ANKRD12: variants seen among roughly 807,000 people sequenced by gnomAD.
ANKRD12 encodes the protein ankyrin repeat domain 12.
In ANKRD12, 85 loss-of-function variants were observed where a neutral mutation model predicts 183.4. That is an observed-to-expected ratio of 0.46 (90% confidence interval 0.39 to 0.56). The LOEUF (loss-of-function observed/expected upper bound fraction) is 0.56. Ranked by LOEUF, ANKRD12 falls within the 20% of genes least tolerant of loss-of-function variation. ANKRD12 has a pLI of 0.00. For synonymous variants in ANKRD12, 914 were observed against 800.2 expected (o/e 1.14, Z -2.40); for missense variants, 2,405 against 2,357.1 (o/e 1.02, Z -0.42).
intron 1 of ANKRD12, among the ~76,000 whole-genome samples, chr18:9,170,350 C>T (rs1417295704): frequency 6.6e-6 from 1 of 152,222 alleles, no homozygotes; most frequent in Non-Finnish European, 1.5e-5. Context: ...TCAGGTAAAC[C>T]AGTCAGATGT....
At chr18:9,277,979 A>G (rs1196407709) in intron 11 of ANKRD12, among the ~76,000 whole-genome samples, 1 of 152,170 alleles carries the variant, frequency 6.6e-6, no homozygotes, top group African/African-American at 2.4e-5. Flanking sequence ...GCTTGCTGAG[A>G]TCCTTTTGTG....
intron 7 of ANKRD12, among the ~76,000 whole-genome samples, chr18:9,217,299 C>G (rs2036164571): frequency 1.3e-5 from 2 of 152,174 alleles, no homozygotes; most frequent in African/African-American, 4.8e-5. Flanking sequence ...AAGTGCAGTT[C>G]TGGCCTGGCC....
rs918347103 is a variant in ANKRD12, at chr18:9,222,013, A to G, written c.943+14A>G. ...AAAGTTACACAGGTTTGTTTCAGAT[A>G]ATCTACATTCATCTGTTCGTTTGAC... On this transcript the variant is annotated intron_variant, in intron 8 of 12. Transcript: ENST00000262126. 8.7e-6 allele frequency: 14 copies of G among 1,612,892 alleles called. No homozygotes were observed. The Admixed American group carries it at 2.0e-4, about 23-fold the overall frequency.
At position 9,256,806 on chromosome 18, in the gene ANKRD12, T is replaced by C. The variant is rs758707284; in HGVS notation, c.3539T>C (p.Phe1180Ser). ...KNVMTLGKSS[F>S]VSDNSLNRSP... ...GTAATGACTTTAGGGAAGTCATCTT[T>C]TGTTTCAGATAATAGCTTAAACAGG... The change falls in exon 9 of 13, where the codon TTT becomes TCT. Residue 1180 changes from phenylalanine to serine, a missense_variant. Physicochemically the swap from Phe to Ser is radical, Grantham distance 155. Around this residue, in one of 7 missense-constraint regions of ANKRD12, gnomAD observed 1,983 missense variants for 1,725.9 expected, o/e 1.15. Coordinates refer to ENST00000262126, the MANE Select transcript of ANKRD12 (RefSeq NM_015208.5). The C allele has an allele frequency of 5.6e-6, 9 of 1,614,080 alleles. No homozygotes were observed. In the Admixed American group the frequency reaches 1.2e-4, roughly 21 times the overall value.
chr18:9,154,175 A>C (rs1002571701), intron 1 of ANKRD12, among the ~76,000 whole-genome samples: 11 of 152,176 alleles, frequency 7.2e-5, no homozygotes, highest in Admixed American at 1.3e-4. Flanking sequence ...ATCCCCCAGC[A>C]CTTTGGGAGG....
rs1349989609 is a variant in ANKRD12, at chr18:9,256,128, AAGAC to A, written c.2864_2867del (p.Asp955GlyfsTer3). 1.2e-5 allele frequency: 19 copies of A among 1,560,006 alleles called. No homozygotes were observed. The highest frequency in any genetic ancestry group is 1.4e-5 in the African/African-American group (1 of 71,730). On this transcript the variant is annotated frameshift_variant, in exon 9 of 13. Transcript: ENST00000262126. LOFTEE classifies it high-confidence loss of function. ...TCAGAAAAAGGCAAAAATAAAGAAAAAGACAGGGAGCTAGATAAAAAGGAAAAAT... is the reference window on the plus strand; with the variant it reads ...TCAGAAAAAGGCAAAAATAAAGAAAAAGGGAGCTAGATAAAAAGGAAAAAT...
rs187100184 is a variant in ANKRD12 at position 9,268,772 on chromosome 18, G to A, written c.5763+4884G>A. On this transcript the variant is annotated intron_variant, in intron 10 of 12. Transcript: ENST00000262126. Reference sequence around the variant, plus strand: ...ACATAGTGTTGGAAGTTGTGGCCAGGGCAATCAGGCAGGAGAAGGAAATAA... The same window carrying A: ...ACATAGTGTTGGAAGTTGTGGCCAGAGCAATCAGGCAGGAGAAGGAAATAA... 2.5e-3 allele frequency among the ~76,000 whole-genome samples: 376 copies of A among 152,242 alleles called. 1 individual carries two copies. Among genetic ancestry groups the A allele is most frequent in the Admixed American group, 4.2e-3 (64 of 15,290 alleles).
chr18:9,180,887 G>A (rs1032640710), intron 1 of ANKRD12, among the ~76,000 whole-genome samples: 3 of 152,154 alleles, frequency 2.0e-5, no homozygotes, highest in Non-Finnish European at 2.9e-5. Flanking sequence ...CTACAAAGGA[G>A]ACATTGTTTT....
At chr18:9,197,027 A>G (rs940325715) in intron 3 of ANKRD12, among the ~76,000 whole-genome samples, 4 of 152,168 alleles carry the variant, frequency 2.6e-5, no homozygotes, top group Non-Finnish European at 4.4e-5. Flanking sequence ...TTGTTTTCCA[A>G]TGAGAGTATA....
chr18:9,203,043 T>C (rs1247744427), intron 3 of ANKRD12, among the ~76,000 whole-genome samples: 3 of 152,244 alleles, frequency 2.0e-5, no homozygotes, highest in Non-Finnish European at 2.9e-5. Context: ...CACAATTTAA[T>C]GTTTGCTGGT....
rs1490148716 is a variant in ANKRD12, at chr18:9,283,178, G to A, written c.*2052G>A. 6.7e-6 allele frequency: 1 copy of A among 148,168 alleles called. No homozygotes were observed. The highest frequency in any genetic ancestry group is 1.5e-5 in the Non-Finnish European group (1 of 65,114). 9.2% of individuals were successfully genotyped at this position (148,168 alleles called of 1,614,324 possible). A position where few individuals can be genotyped will look rare whatever the true frequency, so the allele number is the denominator to read the frequency against. ...TGAACTTTGAAGTTATAGAAAATCA[G>A]AGAGGGGTAAGTTTATAGGGCATTT... On this transcript the variant is annotated 3_prime_UTR_variant, in exon 13 of 13. Transcript: ENST00000262126.
chr18:9,208,222 A>T (rs181642896), intron 4 of ANKRD12, among the ~76,000 whole-genome samples: 7 of 152,206 alleles, frequency 4.6e-5, no homozygotes, highest in Admixed American at 2.6e-4. Context: ...GGAAGTTTGT[A>T]TAAATCATTG....
At chr18:9,161,386 A>AT (rs1278366523) in intron 1 of ANKRD12, among the ~76,000 whole-genome samples, 1 of 147,142 alleles carries the variant, frequency 6.8e-6, no homozygotes, top group East Asian at 2.0e-4. Flanking sequence ...TATTTTTATT[A>AT]TTTTTTTGAG....
At chr18:9,266,786 TG>T (rs1453290156) in intron 10 of ANKRD12, among the ~76,000 whole-genome samples, 1 of 152,148 alleles carries the variant, frequency 6.6e-6, no homozygotes, top group Non-Finnish European at 1.5e-5. Context: ...TAAATGTAAA[TG>T]GGCTAAATGC....
At chr18:9,244,524 G>A (rs948085417) in intron 8 of ANKRD12, among the ~76,000 whole-genome samples, 1 of 152,184 alleles carries the variant, frequency 6.6e-6, no homozygotes, top group East Asian at 1.9e-4. Context: ...CAGAATGACA[G>A]CAACAAGCAA....
At chr18:9,164,469 C>T (rs2031815586) in intron 1 of ANKRD12, among the ~76,000 whole-genome samples, 1 of 152,134 alleles carries the variant, frequency 6.6e-6, no homozygotes, top group Admixed American at 6.5e-5. Flanking sequence ...TCTTGGTTCT[C>T]TAATTCTTTT....
chr18:9,155,859 A>C (rs909700928), intron 1 of ANKRD12, among the ~76,000 whole-genome samples: 4 of 151,850 alleles, frequency 2.6e-5, no homozygotes, highest in Non-Finnish European at 5.9e-5. Flanking sequence ...ATTTCTGTTT[A>C]TGATGTTTAC....
At position 9,218,747 on chromosome 18, in the gene ANKRD12, GCAGCCT is replaced by G. The variant is rs2036255874; in HGVS notation, c.795+1850_795+1855del. 3.3e-5 allele frequency among the ~76,000 whole-genome samples: 5 copies of G among 149,268 alleles called. No individual in the cohort carries two copies. The Admixed American group carries it at 3.4e-4, about 10-fold the overall frequency. ...TGTAGTGGTGCAATCACAGATTACT[GCAGCCT>G]CAACCTCGTGGGCTCAAGTGATCCT... On this transcript the variant is annotated intron_variant, in intron 7 of 12. Coordinates refer to ENST00000262126, the MANE Select transcript of ANKRD12 (RefSeq NM_015208.5).
intron 8 of ANKRD12, among the ~76,000 whole-genome samples, chr18:9,251,827 A>G (rs1355903253): frequency 1.3e-5 from 2 of 152,150 alleles, no homozygotes; most frequent in African/African-American, 4.8e-5. Context: ...CTTAATAAAA[A>G]TTTTAATAAA....
Sources: allele counts gnomAD v4.1 joint callset (sites outside exome capture counted in the v4.1 genomes callset), GRCh38; gene constraint gnomAD v4.1.1; regional missense constraint gnomAD v4.1.1; transcripts MANE v1.5; gene names NCBI Gene and HGNC (gene_info 2026-07-23, HGNC 2026-07-21).